The following SPRR2G variants were observed in gnomAD, a reference collection of about 807,000 sequenced individuals.
SPRR2G encodes the protein small proline-rich protein 2G.
SPRR2G carries 1 observed loss-of-function variant against 0.7 expected under a neutral mutation model. That is an observed-to-expected ratio of 1.49 (90% CI 0.53 to 7.06). The LOEUF (loss-of-function observed/expected upper bound fraction) is 7.06. Among genes scored for constraint, SPRR2G ranks in the 30% most tolerant of loss-of-function variants. The pLI, the probability that SPRR2G is intolerant of heterozygous loss-of-function variation, is 0.14. For missense variants in SPRR2G, 96 were observed against 88.5 expected (o/e 1.09, Z -0.34); for synonymous variants, 38 against 33.9 (o/e 1.12, Z -0.42).
At chr1:153,180,393 T>C in the SPRR2G span, among the ~76,000 whole-genome samples, 3 of 152,158 alleles carry the variant, frequency 2.0e-5, no homozygotes, top group Admixed American at 6.6e-5. Flanking sequence ...GGATTTTTTT[T>C]CCCCAAAATT....
At chr1:153,182,762 G>A in the SPRR2G span, among the ~76,000 whole-genome samples, 1 of 152,148 alleles carries the variant, frequency 6.6e-6, no homozygotes, top group Non-Finnish European at 1.5e-5. Flanking sequence ...TGGTGTATAT[G>A]TGCCACATTT....
chr1:153,179,945 A>G, the SPRR2G span, among the ~76,000 whole-genome samples: 1 of 152,202 alleles, frequency 6.6e-6, no homozygotes, highest in African/African-American at 2.4e-5. Flanking sequence ...GTATCTAGAG[A>G]AAAGTCTGAA....
the SPRR2G span, among the ~76,000 whole-genome samples, chr1:153,200,496 A>G: frequency 2.0e-5 from 3 of 152,344 alleles, no homozygotes; most frequent in Non-Finnish European, 2.9e-5. Flanking sequence ...TTACAATTCT[A>G]TGAGTCTAGT....
At chr1:153,172,459 C>T in the SPRR2G span, among the ~76,000 whole-genome samples, 1 of 152,004 alleles carries the variant, frequency 6.6e-6, no homozygotes, top group East Asian at 1.9e-4. Flanking sequence ...AGAGTCCTGC[C>T]CCCAATGCAC....
chr1:153,149,923 G>A lies in SPRR2G; in HGVS notation c.188C>T (p.Pro63Leu), dbSNP rs770544611. 3.5e-5 allele frequency: 57 copies of A among 1,613,950 alleles called. No homozygotes were observed. Among genetic ancestry groups the A allele is most frequent in the South Asian group, 1.4e-4 (13 of 91,082 alleles). The change falls in exon 2 of 2, where the codon CCC (proline) becomes CTC (leucine). Residue 63 changes from proline to leucine, a missense_variant. Pro to Leu is a moderately conservative substitution (Grantham distance 98). Transcript: ENST00000368748. ...CTTGGGTGGATACTTCTGCTGGCAG[G>A]GTGGGTATGGTTGCACAGGAGGGCA... ...DKCPPVQPYP[P>L]CQQKYPPKSK
the SPRR2G span, among the ~76,000 whole-genome samples, chr1:153,193,102 T>G: frequency 6.6e-6 from 1 of 152,068 alleles, no homozygotes; most frequent in African/African-American, 2.4e-5. Flanking sequence ...GGATGTAGCT[T>G]TTCTTACATC....
At chr1:153,171,529 G>A in the SPRR2G span, among the ~76,000 whole-genome samples, 9 of 152,172 alleles carry the variant, frequency 5.9e-5, no homozygotes, top group African/African-American at 1.7e-4. Flanking sequence ...ACATGCCACC[G>A]CTTTTCCTCC....
At chr1:153,162,648 G>C in the SPRR2G span, among the ~76,000 whole-genome samples, 2 of 151,994 alleles carry the variant, frequency 1.3e-5, no homozygotes, top group Non-Finnish European at 2.9e-5. Flanking sequence ...GGGGCCGCAG[G>C]GTCCTAAAGC....
At chr1:153,196,825 T>C in the SPRR2G span, among the ~76,000 whole-genome samples, 1 of 152,214 alleles carries the variant, frequency 6.6e-6, no homozygotes, top group Admixed American at 6.5e-5. Context: ...TTTCTCTTCA[T>C]CTCTGCTCTC....
the SPRR2G span, among the ~76,000 whole-genome samples, chr1:153,157,251 G>T: frequency 6.6e-6 from 1 of 152,082 alleles, no homozygotes; most frequent in Non-Finnish European, 1.5e-5. Context: ...CATTAATTTT[G>T]TTAAGTGTGA....
chr1:153,185,990 G>C, the SPRR2G span, among the ~76,000 whole-genome samples: 2 of 152,146 alleles, frequency 1.3e-5, no homozygotes, highest in Non-Finnish European at 2.9e-5. Context: ...TCATTCAGGG[G>C]CAGGTTGTTC....
chr1:153,167,195 C>A, the SPRR2G span, among the ~76,000 whole-genome samples: 1 of 152,288 alleles, frequency 6.6e-6, no homozygotes. Flanking sequence ...AAATCTCTGG[C>A]CAGGCGTGGT....
the SPRR2G span, among the ~76,000 whole-genome samples, chr1:153,196,903 G>A: frequency 6.6e-6 from 1 of 152,200 alleles, no homozygotes; most frequent in Admixed American, 6.5e-5. Context: ...GAAGGTGATG[G>A]TGTCACAGGA....
the SPRR2G span, among the ~76,000 whole-genome samples, chr1:153,163,878 C>A: frequency 2.0e-5 from 3 of 152,170 alleles, no homozygotes; most frequent in East Asian, 5.8e-4. Flanking sequence ...AACCTTGCTG[C>A]TCTTCTGGAG....
At chr1:153,190,155 C>G in the SPRR2G span, 2 of 152,368 alleles carry the variant, frequency 1.3e-5, no homozygotes, top group Non-Finnish European at 2.9e-5. Flanking sequence ...ACTCCCAACT[C>G]AGGTCCCACA....
In SPRR2G at chr1:153,149,891, A is replaced by G. The variant is rs199500317; in HGVS notation, c.220T>C (p.Ter74GlnextTer3). 7.3e-4 allele frequency: 1,182 copies of G among 1,614,062 alleles called. 18 individuals are homozygous for G. The South Asian group carries it at 0.012, about 16-fold the overall frequency. The change falls in exon 2 of 2, where the codon TAA (stop) becomes CAA (glutamine). Residue 74 changes from the stop codon to glutamine, a stop_lost. Transcript: ENST00000368748. ...CQQKYPPKSK[*>Q] is the part of the protein sequence containing the mutation. ...GGTCCTGATGAATTCTAGTGATGTT[A>G]CTTGCTCTTGGGTGGATACTTCTGC...
chr1:153,169,613 G>A, the SPRR2G span, among the ~76,000 whole-genome samples: 3 of 150,718 alleles, frequency 2.0e-5, no homozygotes, highest in African/African-American at 4.9e-5. Context: ...CCAGTCAACA[G>A]AGGATGCACA....
the SPRR2G span, among the ~76,000 whole-genome samples, chr1:153,188,677 GT>G: frequency 6.6e-6 from 1 of 152,132 alleles, no homozygotes; most frequent in Non-Finnish European, 1.5e-5. Context: ...TTCCAGGAGA[GT>G]GAACAGCTCT....
the SPRR2G span, among the ~76,000 whole-genome samples, chr1:153,180,035 C>A: frequency 6.6e-6 from 1 of 152,162 alleles, no homozygotes; most frequent in African/African-American, 2.4e-5. Flanking sequence ...TTTCCTTGTT[C>A]ACTAAGTTGC....
Sources: gnomAD v4.1 joint callset for allele counts (sites outside exome capture counted in the v4.1 genomes callset) on GRCh38, gnomAD v4.1.1 for gene constraint, MANE v1.5 for transcripts, NCBI Gene and HGNC (gene_info 2026-07-23, HGNC 2026-07-21) for gene names.